The following VPS53 variants were observed in gnomAD, a reference collection of about 807,000 sequenced individuals.
VPS53 encodes vacuolar protein sorting-associated protein 53 homolog.
A neutral mutation model predicts 107.0 loss-of-function variants in VPS53; 70 were observed. The ratio of observed to expected loss-of-function variants is 0.65; its 90% confidence interval spans 0.54 to 0.80. VPS53 has a LOEUF of 0.80. Among genes scored for constraint, VPS53 ranks in the 30% least tolerant of loss-of-function variants. VPS53 has a pLI of 0.00. For missense variants in VPS53, 917 were observed against 1,049.4 expected (o/e 0.87, Z 1.74); for synonymous variants, 409 against 393.3 (o/e 1.04, Z -0.47).
At chr17:612,658 A>C (rs943239099) in intron 11 of VPS53, among the ~76,000 whole-genome samples, 1 of 150,472 alleles carries the variant, frequency 6.6e-6, no homozygotes, top group African/African-American at 2.5e-5. Flanking sequence ...ACCTGTACAG[A>C]TATTCACAGC....
intron 13 of VPS53, among the ~76,000 whole-genome samples, chr17:585,500 T>C (rs1289500329): frequency 6.6e-6 from 1 of 151,848 alleles, no homozygotes; most frequent in Admixed American, 6.6e-5. Flanking sequence ...CTACTAAAAA[T>C]AGAGGGTGGC....
chr17:701,589 G>A (rs916563538), intron 2 of VPS53, among the ~76,000 whole-genome samples: 2 of 152,144 alleles, frequency 1.3e-5, no homozygotes, highest in Non-Finnish European at 2.9e-5. Flanking sequence ...CGTTGGCCAG[G>A]ATGGTCTCGA....
At chr17:543,386 T>A (rs1910856355) in intron 17 of VPS53, among the ~76,000 whole-genome samples, 1 of 152,226 alleles carries the variant, frequency 6.6e-6, no homozygotes, top group African/African-American at 2.4e-5. Context: ...ATATAAATTA[T>A]GTGCCAGACG....
chr17:683,563 G>C (rs527944460), intron 4 of VPS53, among the ~76,000 whole-genome samples: 1 of 152,330 alleles, frequency 6.6e-6, no homozygotes, highest in East Asian at 1.9e-4. Context: ...AAAAAACTCA[G>C]ATCTAAGGAG....
chr17:656,700 A>ATTGTGTGTG, intron 5 of VPS53: 5 of 553,552 alleles, frequency 9.0e-6, no homozygotes, highest in East Asian at 3.1e-5. Context: ...TGACTAAGAA[A>ATTGTGTGTG]TGTGTGTGTG....
chr17:570,922 T>C (rs1362534060), intron 13 of VPS53, among the ~76,000 whole-genome samples: 4 of 152,176 alleles, frequency 2.6e-5, no homozygotes, highest in East Asian at 1.9e-4. Context: ...ATGTGGACAG[T>C]TGTACTGTGG....
At chr17:535,495 C>T (rs1909980109) in intron 18 of VPS53, among the ~76,000 whole-genome samples, 1 of 151,970 alleles carries the variant, frequency 6.6e-6, no homozygotes, top group Admixed American at 6.6e-5. Context: ...ACTCCTCCTT[C>T]ACTTTAATGT....
rs769610281 is a variant in VPS53, at chr17:601,911, T to C, written c.1117-15A>G. On this transcript the variant is annotated splice_polypyrimidine_tract_variant and intron_variant, in intron 11 of 21. Coordinates refer to ENST00000437048, the MANE Select transcript of VPS53 (RefSeq NM_001128159.3). ...TCAAGCTTTTTCTGTTAGGTAGATA[T>C]GAGAAAGAGAAGTGTTTTCTGAGCA... 6.4e-7 allele frequency: 1 copy of C among 1,551,500 alleles called. No individual in the cohort carries two copies. The highest frequency in any genetic ancestry group is 8.7e-7 in the Non-Finnish European group (1 of 1,144,306).
chr17:580,986 C>T (rs912669637), intron 13 of VPS53, among the ~76,000 whole-genome samples: 12 of 151,822 alleles, frequency 7.9e-5, no homozygotes, highest in Non-Finnish European at 1.3e-4. Flanking sequence ...CCCAGATAAC[C>T]TCCCTCAGAA....
At chr17:655,469 G>C (rs545493105) in intron 6 of VPS53, among the ~76,000 whole-genome samples, 23 of 152,032 alleles carry the variant, frequency 1.5e-4, no homozygotes, top group Non-Finnish European at 2.6e-4. Context: ...AGTGAATATG[G>C]GCCCGCGTCA....
chr17:628,321 A>G (rs1168410623), intron 8 of VPS53, 90 bp from the exon 9 acceptor site: 3 of 1,481,162 alleles, frequency 2.0e-6, no homozygotes, highest in African/African-American at 1.4e-5. Context: ...ATCTCTACGC[A>G]TTGTCAGTCT....
intron 4 of VPS53, among the ~76,000 whole-genome samples, chr17:688,722 AACCTTG>A (rs1179063935): frequency 6.6e-6 from 1 of 152,194 alleles, no homozygotes; most frequent in Non-Finnish European, 1.5e-5. Context: ...AAGGCAAGCC[AACCTTG>A]ACCTCTGCAC....
intron 2 of VPS53, among the ~76,000 whole-genome samples, chr17:705,397 T>G (rs1253543927): frequency 6.7e-6 from 1 of 149,938 alleles, no homozygotes; most frequent in African/African-American, 2.5e-5. Context: ...CAGACCAGCC[T>G]GGGCAACACA....
intron 11 of VPS53, among the ~76,000 whole-genome samples, chr17:609,616 A>G (rs1968748259): frequency 6.6e-6 from 1 of 152,230 alleles, no homozygotes; most frequent in South Asian, 2.1e-4. Flanking sequence ...TGAAACAAGC[A>G]GGGACTACTT....
At chr17:554,347 G>A (rs189634283) in intron 15 of VPS53, among the ~76,000 whole-genome samples, 47 of 152,284 alleles carry the variant, frequency 3.1e-4, no homozygotes, top group African/African-American at 1.1e-3. Flanking sequence ...GATATCCCTG[G>A]GAGTTGATTA....
intron 4 of VPS53, among the ~76,000 whole-genome samples, chr17:665,240 T>C (rs1212590907): frequency 2.0e-5 from 3 of 152,096 alleles, no homozygotes; most frequent in Admixed American, 1.3e-4. Flanking sequence ...AACTCTGCCA[T>C]GGGACGACGC....
At chr17:598,119 G>A (rs894054981) in intron 12 of VPS53, among the ~76,000 whole-genome samples, 2 of 152,172 alleles carry the variant, frequency 1.3e-5, no homozygotes, top group Admixed American at 6.5e-5. Flanking sequence ...TTGCAGGCTC[G>A]CGCCGCCACA....
rs1046787244 is a variant in VPS53 at position 513,549 on chromosome 17, G to C, written c.*5579C>G. 6.6e-6 allele frequency: 1 copy of C among 152,234 alleles called. No homozygotes were observed. Among genetic ancestry groups the C allele is most frequent in the Non-Finnish European group, 1.5e-5 (1 of 68,050 alleles). 9.4% of individuals were successfully genotyped at this position (152,234 alleles called of 1,614,324 possible). A position where few individuals can be genotyped will look rare whatever the true frequency, so the allele number is the denominator to read the frequency against. On this transcript the variant is annotated 3_prime_UTR_variant, in exon 22 of 22. Coordinates refer to ENST00000437048, the MANE Select transcript of VPS53 (RefSeq NM_001128159.3). The stretch of plus-strand genomic sequence containing the variant: ...ATTTTATTTTTAGGAATCTGACTTG[G>C]AGTAGACGAGAAGTGTGAGACACTT...
chr17:526,474 T>C (rs1909135514), intron 19 of VPS53, among the ~76,000 whole-genome samples: 1 of 152,178 alleles, frequency 6.6e-6, no homozygotes, highest in East Asian at 1.9e-4. Flanking sequence ...TCTCAGGTTT[T>C]ATACATAAAG....
Sources: gnomAD v4.1 joint callset for allele counts (sites outside exome capture counted in the v4.1 genomes callset) on GRCh38, gnomAD v4.1.1 for gene constraint, MANE v1.5 for transcripts, NCBI Gene and HGNC (gene_info 2026-07-23, HGNC 2026-07-21) for gene names.